The following SERPINE3 variants were observed in gnomAD, a reference collection of about 807,000 sequenced individuals.
The protein encoded by SERPINE3 is serpin E3.
Under a neutral mutation model 41.7 loss-of-function variants are expected in SERPINE3, and 43 were observed. That is an observed-to-expected ratio of 1.03 (90% CI 0.81 to 1.33). The LOEUF (loss-of-function observed/expected upper bound fraction) is 1.33. SERPINE3 is among the 40% of genes most tolerant of loss of function. The pLI is 0.00. For synonymous variants in SERPINE3, 200 were observed against 192.2 expected, an observed-to-expected ratio of 1.04 and a Z score of -0.34; for missense variants, 440 against 491.7, an observed-to-expected ratio of 0.89 and a Z score of 0.99.
rs759065261 is a variant in SERPINE3 at position 51,341,269 on chromosome 13, C to A, written c.178C>A (p.Pro60Thr). 1 of 1,613,954 alleles carries A rather than the reference C, an allele frequency of 6.2e-7. No individual in the cohort carries two copies. Among genetic ancestry groups the A allele is most frequent in the Non-Finnish European group, 8.5e-7 (1 of 1,179,844 alleles). The change falls in exon 3 of 10, where the codon CCC becomes ACC. Residue 60 changes from proline to threonine, a missense_variant. Coordinates refer to ENST00000681248, the MANE Select transcript of SERPINE3 (RefSeq NM_001386375.1). ...CATCTCTCCTGCTGGTGTGTCCCTC[C>A]CCCTGGAGATCCTGCAGTTTGGAGC... ...FVISPAGVSL[P>T]LEILQFGAEG...
Position 51,361,291 on chromosome 13 carries a change from TTA to T in SERPINE3, c.1016_1017del (p.Tyr339CysfsTer3), listed in dbSNP as rs1242916368. ...TTCTGTGGTTAGGCCAAGATGGCTT[TTA>T]TGTTTCTGAAGCAATCCACAAGGCC... ...LKGISGQDGF[Y>X]VSEAIHKAKI... On this transcript the variant is annotated frameshift_variant, in exon 8 of 10. Coordinates refer to ENST00000681248, the MANE Select transcript of SERPINE3 (RefSeq NM_001386375.1). LOFTEE classifies it high-confidence loss of function. 3.7e-6 allele frequency: 6 copies of T among 1,609,136 alleles called. No individual in the cohort carries two copies. The South Asian group carries it at 5.5e-5, about 15-fold the overall frequency.
chr13:51,355,169 T>C, intron 7 of SERPINE3, 26 bp downstream of exon 7: 1 of 1,181,602 alleles, frequency 8.5e-7, no homozygotes, highest in Non-Finnish European at 1.2e-6. Flanking sequence ...CTTCCAAACG[T>C]TCTAGCCGTG....
chr13:51,348,317 C>A lies in SERPINE3; in HGVS notation c.805C>A (p.Pro269Thr), dbSNP rs1955371440. 6.2e-7 allele frequency: 1 copy of A among 1,613,690 alleles called. No individual in the cohort carries two copies. The highest frequency in any genetic ancestry group is 1.1e-5 in the South Asian group (1 of 91,054). The change falls in exon 6 of 10, where the codon CCC becomes ACC. Residue 269 changes from proline to threonine, a missense_variant. Physicochemically the swap from Pro to Thr is conservative, Grantham distance 38. Transcript: ENST00000681248. ...FLVLPRDKDT[P>T]LSHIEPHLTA... ...GGTGCTGCCCCGTGACAAAGACACCCCCCTGAGCCACATCGAGCCACACCT... is the reference window on the plus strand; with the variant it reads ...GGTGCTGCCCCGTGACAAAGACACCACCCTGAGCCACATCGAGCCACACCT...
chr13:51,344,852 T>C (rs896100293), intron 4 of SERPINE3, among the ~76,000 whole-genome samples: 8 of 152,130 alleles, frequency 5.3e-5, no homozygotes, highest in African/African-American at 1.9e-4. Context: ...AAACCACCTG[T>C]GATGGCAAAG....
intron 6 of SERPINE3, 137 bp downstream of exon 6, chr13:51,348,548 A>T: frequency 1.5e-6 from 1 of 664,264 alleles, no homozygotes; most frequent in East Asian, 2.8e-5. Flanking sequence ...CCCAGAAGTT[A>T]GACCAAGAGG....
intron 6 of SERPINE3, among the ~76,000 whole-genome samples, chr13:51,350,215 A>G (rs1311737127): frequency 6.6e-6 from 1 of 152,178 alleles, no homozygotes; most frequent in Non-Finnish European, 1.5e-5. Flanking sequence ...GACATCACCA[A>G]GCAGTGCACT....
chr13:51,357,874 C>G (rs1593647688), intron 7 of SERPINE3, among the ~76,000 whole-genome samples: 1 of 152,104 alleles, frequency 6.6e-6, no homozygotes, highest in African/African-American at 2.4e-5. Context: ...CTGTCTTGTT[C>G]TTGGCTTTTA....
chr13:51,344,527 G>C (rs1249885707), intron 4 of SERPINE3, 42 bp downstream of exon 4: 2 of 1,468,954 alleles, frequency 1.4e-6, no homozygotes, highest in East Asian at 2.5e-5. Context: ...AAGGCAGAGG[G>C]CTGCAGAGAC....
chr13:51,364,182 T>C lies in SERPINE3; in HGVS notation c.1172-57T>C, dbSNP rs1955639476. 3.6e-6 allele frequency: 3 copies of C among 839,716 alleles called. No homozygotes were observed. In the East Asian group the frequency reaches 8.3e-5, roughly 23 times the overall value. The allele number at this position is 839,716 out of a possible 1,614,324, so 52.0% of individuals were successfully genotyped here. On this transcript the variant is annotated intron_variant, in intron 9 of 9. Transcript: ENST00000681248. ...GTATTTGTATAGAAGTAAACAAAGCTTAAAGAACTGCATATGAAAATACTA... is the reference window on the plus strand; with the variant it reads ...GTATTTGTATAGAAGTAAACAAAGCCTAAAGAACTGCATATGAAAATACTA...
At chr13:51,343,915 A>G (rs921843203) in intron 3 of SERPINE3, among the ~76,000 whole-genome samples, 6 of 152,086 alleles carry the variant, frequency 3.9e-5, no homozygotes, top group Non-Finnish European at 5.9e-5. Flanking sequence ...TAGAATCTCT[A>G]CTCCAACACA....
At chr13:51,349,228 G>A (rs1955382382) in intron 6 of SERPINE3, among the ~76,000 whole-genome samples, 1 of 152,106 alleles carries the variant, frequency 6.6e-6, no homozygotes, top group African/African-American at 2.4e-5. Flanking sequence ...GTAGGCAAAG[G>A]CAAAGTCCTT....
At chr13:51,348,434 C>T (rs1396073426) in intron 6 of SERPINE3, 23 bp downstream of exon 6, 1 of 1,602,522 alleles carries the variant, frequency 6.2e-7, no homozygotes. Flanking sequence ...GTCCCCCTCA[C>T]AGGTGCTGTG....
rs938057018 is a variant in SERPINE3, at chr13:51,355,583, C to T, written c.1000+440C>T. Among the ~76,000 whole-genome samples the T allele has an allele frequency of 2.6e-5, 4 of 152,142 alleles. 1 individual carries two copies. Among genetic ancestry groups the T allele is most frequent in the Admixed American group, 2.0e-4 (3 of 15,284 alleles). On this transcript the variant is annotated intron_variant, in intron 7 of 9. Transcript: ENST00000681248. ...CTCTTCTAATAAGCTAGTCTTGAAA[C>T]CTTCCCTCATCTGTCCAATTTCCTT...
chr13:51,357,940 T>G (rs1955505652), intron 7 of SERPINE3, among the ~76,000 whole-genome samples: 1 of 152,152 alleles, frequency 6.6e-6, no homozygotes, highest in Admixed American at 6.6e-5. Context: ...TCTGTTACTA[T>G]GACTTAAATG....
chr13:51,355,651 T>C (rs11619131), intron 7 of SERPINE3, among the ~76,000 whole-genome samples: 23,465 of 152,148 alleles, frequency 0.15, 2,376 homozygotes, highest in Middle Eastern at 0.31. Context: ...CTTAAAATGT[T>C]CTCCTTTCCA....
At chr13:51,347,374 C>T (rs9568575) in intron 5 of SERPINE3, 140 bp downstream of exon 5, 18,624 of 725,896 alleles carry the variant, frequency 0.026, 346 homozygotes, top group South Asian at 0.049. Context: ...GCATGCATGG[C>T]GGAAGGAAAG....
At chr13:51,355,904 C>T (rs930607370) in intron 7 of SERPINE3, among the ~76,000 whole-genome samples, 1 of 152,134 alleles carries the variant, frequency 6.6e-6, no homozygotes, top group South Asian at 2.1e-4. Context: ...CTGGTATTTC[C>T]ATTGGCCTTG....
intron 9 of SERPINE3, 91 bp downstream of exon 9, chr13:51,361,984 A>C (rs1227095939): frequency 6.2e-7 from 1 of 1,610,966 alleles, no homozygotes; most frequent in Non-Finnish European, 8.5e-7. Context: ...CTCAAAAATA[A>C]GCATTCTTTC....
In SERPINE3 at chr13:51,344,479, A is replaced by G; in HGVS notation, c.484A>G (p.Thr162Ala). 6.4e-7 allele frequency: 1 copy of G among 1,573,200 alleles called. No individual in the cohort carries two copies. The highest frequency in any genetic ancestry group is 8.6e-7 in the Non-Finnish European group (1 of 1,158,168). Reference protein sequence around the residue: ...IQTSEGASRETAGGGPSEGPG... With the variant: ...IQTSEGASREAAGGGPSEGPG... Reference sequence around the variant, plus strand: ...GACTAGCGAAGGGGCCTCCAGAGAGACTGCAGGTAAAAGAAAACTGTACAT... The same window carrying G: ...GACTAGCGAAGGGGCCTCCAGAGAGGCTGCAGGTAAAAGAAAACTGTACAT... Residue 162 changes from threonine (T) to alanine (A), a missense_variant, in exon 4 of 10, where the codon ACT becomes GCT. Coordinates refer to ENST00000681248, the MANE Select transcript of SERPINE3 (RefSeq NM_001386375.1).
Sources: allele counts gnomAD v4.1 joint callset (sites outside exome capture counted in the v4.1 genomes callset), GRCh38; gene constraint gnomAD v4.1.1; transcripts MANE v1.5; gene names NCBI Gene and HGNC (gene_info 2026-07-23, HGNC 2026-07-21).